Variants in ST3GAL2 observed in about 807,000 individuals in gnomAD.
The protein encoded by ST3GAL2 is ST3 beta-galactoside alpha-2,3-sialyltransferase 2, also known as CMP-N-acetylneuraminate-beta-galactosamide-alpha-2,3-sialyltransferase 2.
Under a neutral mutation model 37.5 loss-of-function variants are expected in ST3GAL2, and 16 were observed. That is an observed-to-expected ratio of 0.43 (90% CI 0.29 to 0.65). The LOEUF is 0.65. ST3GAL2 is among the 30% of genes least tolerant of loss of function. The pLI is 0.17. For missense variants in ST3GAL2, 383 were observed against 487.8 expected (o/e 0.79, Z 2.02); for synonymous variants, 238 against 202.9 (o/e 1.17, Z -1.47).
chr16:70,396,802 C>T (rs1412220380), intron 2 of ST3GAL2, among the ~76,000 whole-genome samples: 1 of 152,104 alleles, frequency 6.6e-6, no homozygotes, highest in Non-Finnish European at 1.5e-5. Context: ...TGTGTGGCAA[C>T]CAGATGGCCT....
chr16:70,382,955 G>C, intron 5 of ST3GAL2, 31 bp from the exon 6 acceptor site: 1 of 1,607,716 alleles, frequency 6.2e-7, no homozygotes, highest in Non-Finnish European at 8.5e-7. Flanking sequence ...AGGTATATGA[G>C]GGGTTTAGGG....
At chr16:70,414,503 CAA>C (rs768938623) in intron 1 of ST3GAL2, among the ~76,000 whole-genome samples, 4 of 152,212 alleles carry the variant, frequency 2.6e-5, no homozygotes, top group Non-Finnish European at 5.9e-5. Flanking sequence ...ACTGGCCATA[CAA>C]ACACCCCTGA....
intron 4 of ST3GAL2, among the ~76,000 whole-genome samples, chr16:70,383,528 G>A (rs1014850283): frequency 3.3e-5 from 5 of 150,000 alleles, no homozygotes; most frequent in African/African-American, 1.2e-4. Flanking sequence ...CTCCAGCCTG[G>A]GTGACAGAGT....
In ST3GAL2 at chr16:70,398,554, C is replaced by T. The variant is rs778483764; in HGVS notation, c.-24G>A. 3 of 1,553,508 alleles carry T rather than the reference C, an allele frequency of 1.9e-6. No homozygotes were observed. Among genetic ancestry groups the T allele is most frequent in the Admixed American group, 3.8e-5 (2 of 53,152 alleles). ...ATGGTGCCGGCAGGCGGGTGACGGT[C>T]ACCGTGGCCACTCTTTTCCCAGCCC... On this transcript the variant is annotated 5_prime_UTR_variant, in exon 2 of 7. An upstream open reading frame in the 5' UTR loses its in-frame stop. Coordinates refer to ENST00000342907, the MANE Select transcript of ST3GAL2 (RefSeq NM_006927.4).
intron 6 of ST3GAL2, among the ~76,000 whole-genome samples, chr16:70,382,273 A>AT (rs2047411675): frequency 6.6e-6 from 1 of 151,250 alleles, no homozygotes; most frequent in Admixed American, 6.6e-5. Flanking sequence ...TCTCCATTCT[A>AT]TTTATGTTTT....
intron 3 of ST3GAL2, among the ~76,000 whole-genome samples, chr16:70,394,354 TGAG>T (rs950047181): frequency 1.6e-4 from 25 of 152,190 alleles, no homozygotes; most frequent in Middle Eastern, 3.4e-3. Context: ...GCTGAGGGGA[TGAG>T]GAGGACAGGG....
At position 70,376,989 on chromosome 16, in the gene ST3GAL2, C is replaced by T. The variant is rs1379819142; in HGVS notation, c.*4700G>A. The T allele has an allele frequency of 6.6e-6, 1 of 151,590 alleles. No homozygotes were observed. The highest frequency in any genetic ancestry group is 2.0e-4 in the East Asian group (1 of 5,102). 9.4% of individuals were successfully genotyped at this position (151,590 alleles called of 1,614,324 possible). On this transcript the variant is annotated 3_prime_UTR_variant, in exon 7 of 7. Transcript: ENST00000342907. ...AACTCCTGACCTCGTGATTCACCTG[C>T]CTCAGCCTCCCAAAATGCTGGGATT...
chr16:70,432,747 A>G (rs1038473849), intron 1 of ST3GAL2, among the ~76,000 whole-genome samples: 2 of 152,196 alleles, frequency 1.3e-5, no homozygotes, highest in African/African-American at 4.8e-5. Flanking sequence ...CTGAGCAGAG[A>G]GGAAGGAAAA....
rs779757802 is a variant in ST3GAL2, at chr16:70,381,674, G to A, written c.*15C>T. 1.2e-6 allele frequency: 2 copies of A among 1,610,886 alleles called. No individual in the cohort carries two copies. Among genetic ancestry groups the A allele is most frequent in the African/African-American group, 1.3e-5 (1 of 74,898 alleles). On this transcript the variant is annotated 3_prime_UTR_variant, in exon 7 of 7. Coordinates refer to ENST00000342907, the MANE Select transcript of ST3GAL2 (RefSeq NM_006927.4). The stretch of plus-strand genomic sequence containing the variant: ...GCCCGATAGATGGGCCGGAAGGGTC[G>A]CGGCGAGGCCCGGCTCAGTTGCCCC...
intron 6 of ST3GAL2, among the ~76,000 whole-genome samples, chr16:70,382,470 G>C (rs888202886): frequency 2.6e-5 from 4 of 152,042 alleles, no homozygotes; most frequent in African/African-American, 9.7e-5. Flanking sequence ...TTTTAGTAGA[G>C]ATGGGGCTTC....
chr16:70,427,762 C>G (rs2047761760), intron 1 of ST3GAL2, among the ~76,000 whole-genome samples: 1 of 152,146 alleles, frequency 6.6e-6, no homozygotes, highest in South Asian at 2.1e-4. Context: ...TATTACAAAT[C>G]TCAACTAATT....
At chr16:70,433,151 C>T (rs2047802707) in intron 1 of ST3GAL2, among the ~76,000 whole-genome samples, 1 of 152,216 alleles carries the variant, frequency 6.6e-6, no homozygotes, top group Non-Finnish European at 1.5e-5. Context: ...ACTGAAACTC[C>T]AAGCCCCAGC....
At chr16:70,437,282 T>C (rs1340113804) in intron 1 of ST3GAL2, among the ~76,000 whole-genome samples, 2 of 152,110 alleles carry the variant, frequency 1.3e-5, no homozygotes, top group Admixed American at 6.5e-5. Context: ...TGGCCTCCCT[T>C]CCTCCATTCT....
intron 3 of ST3GAL2, among the ~76,000 whole-genome samples, chr16:70,389,450 C>T (rs2047467464): frequency 6.6e-6 from 1 of 151,696 alleles, no homozygotes; most frequent in Non-Finnish European, 1.5e-5. Flanking sequence ...GACGGGACTA[C>T]AACATGTGCC....
chr16:70,407,036 C>T (rs2047597295), intron 1 of ST3GAL2, among the ~76,000 whole-genome samples: 1 of 152,012 alleles, frequency 6.6e-6, no homozygotes, highest in African/African-American at 2.4e-5. Flanking sequence ...AGGAGTGTCC[C>T]TTTATTGTTG....
Position 70,398,564 on chromosome 16 carries a change from ACT to A in ST3GAL2, c.-36_-35del, listed in dbSNP as rs1349619452. The A allele has an allele frequency of 1.3e-6, 2 of 1,539,810 alleles. No homozygotes were observed. The highest frequency in any genetic ancestry group is 1.9e-5 in the Admixed American group (1 of 52,040). ...CAGGCGGGTGACGGTCACCGTGGCC[ACT>A]CTTTTCCCAGCCCGCTGAGGGGCCA... On this transcript the variant is annotated 5_prime_UTR_variant, in exon 2 of 7. It removes the in-frame stop codon of an upstream open reading frame in the 5' UTR. Transcript: ENST00000342907.
At chr16:70,407,655 A>C (rs1261823237) in intron 1 of ST3GAL2, among the ~76,000 whole-genome samples, 20 of 152,206 alleles carry the variant, frequency 1.3e-4, no homozygotes, top group Admixed American at 1.2e-3. Context: ...TCCACCTCCC[A>C]GTACAAGGAA....
At chr16:70,438,002 C>A (rs1436221583) in intron 1 of ST3GAL2, among the ~76,000 whole-genome samples, 1 of 152,216 alleles carries the variant, frequency 6.6e-6, no homozygotes, top group African/African-American at 2.4e-5. Flanking sequence ...TTCTCCAACA[C>A]CACCTTTGAC....
rs372103798 is a variant in ST3GAL2, at chr16:70,394,978, T to C, written c.533+4A>G. The C allele has an allele frequency of 3.1e-6, 5 of 1,612,068 alleles. No individual in the cohort carries two copies. Among genetic ancestry groups the C allele is most frequent in the Non-Finnish European group, 4.2e-6 (5 of 1,179,426 alleles). On this transcript the variant is annotated splice_donor_region_variant and intron_variant, in intron 3 of 6. Transcript: ENST00000342907. ...GCCCACCCTTGGGCTCCACAGGGGCTCACCTCATGATGAAGTTGTGCCCGT... is the reference window on the plus strand; with the variant it reads ...GCCCACCCTTGGGCTCCACAGGGGCCCACCTCATGATGAAGTTGTGCCCGT...
Sources: gnomAD v4.1 joint callset for allele counts (sites outside exome capture counted in the v4.1 genomes callset) on GRCh38, gnomAD v4.1.1 for gene constraint, MANE v1.5 for transcripts, NCBI Gene and HGNC (gene_info 2026-07-23, HGNC 2026-07-21) for gene names.